NAA35: variants seen among roughly 807,000 people sequenced by gnomAD.
NAA35 encodes the protein MAK10 homolog, amino-acid N-acetyltransferase subunit.
Under a neutral mutation model 101.7 loss-of-function variants are expected in NAA35, and 18 were observed. The observed-to-expected ratio is 0.18, with a 90% CI of 0.12 to 0.26. The LOEUF (loss-of-function observed/expected upper bound fraction) is 0.26, where lower values mean the gene tolerates loss of function less well. Ranked by LOEUF, NAA35 falls within the 10% of genes least tolerant of loss-of-function variation. NAA35 has a pLI of 1.00. For synonymous variants in NAA35, 267 were observed against 273.1 expected (o/e 0.98, Z 0.22); for missense variants, 601 against 886.8 (o/e 0.68, Z 4.09).
Position 86,001,514 on chromosome 9 carries a change from G to A in NAA35, c.1057-2071G>A, listed in dbSNP as rs141689286. On this transcript the variant is annotated intron_variant, in intron 12 of 22. Transcript: ENST00000361671. ...AGTCTCCCACTGTTGTTATGTGGGAGTCTGTGTCTCTTTGTAGGTCTGTAA... is the reference window on the plus strand; with the variant it reads ...AGTCTCCCACTGTTGTTATGTGGGAATCTGTGTCTCTTTGTAGGTCTGTAA... 1.6e-3 allele frequency among the ~76,000 whole-genome samples: 247 copies of A among 152,260 alleles called. 1 individual carries two copies. The highest frequency in any genetic ancestry group is 3.8e-3 in the African/African-American group (157 of 41,550).
chr9:85,946,659 A>G (rs1164238153), intron 2 of NAA35, among the ~76,000 whole-genome samples: 1 of 148,482 alleles, frequency 6.7e-6, no homozygotes, highest in East Asian at 2.0e-4. Context: ...CTTTCTTAAA[A>G]CGTTATGAGA....
intron 3 of NAA35, among the ~76,000 whole-genome samples, chr9:85,956,613 G>A (rs1056494165): frequency 7.2e-5 from 11 of 152,104 alleles, no homozygotes; most frequent in Non-Finnish European, 1.2e-4. Flanking sequence ...TGTAACTTAT[G>A]GTCCTTTCCT....
At chr9:85,976,651 G>T in intron 8 of NAA35, 34 bp from the exon 9 acceptor site, 3 of 1,478,926 alleles carry the variant, frequency 2.0e-6, no homozygotes, top group East Asian at 2.3e-5. Flanking sequence ...ATTTTTTCAG[G>T]TTTGTGTTTA....
intron 11 of NAA35, chr9:85,986,852 A>G (rs908441708): frequency 5.0e-6 from 1 of 199,682 alleles, no homozygotes; most frequent in Non-Finnish European, 1.0e-5. Context: ...TGGCCTTCCA[A>G]AGTGCTGGGA....
intron 2 of NAA35, among the ~76,000 whole-genome samples, chr9:85,943,160 G>A (rs1828597719): frequency 6.6e-6 from 1 of 152,072 alleles, no homozygotes; most frequent in African/African-American, 2.4e-5. Context: ...AAATGAACAT[G>A]CTTGTTGCTT....
chr9:85,957,207 C>T (rs1368602336), intron 3 of NAA35, among the ~76,000 whole-genome samples: 2 of 152,132 alleles, frequency 1.3e-5, no homozygotes, highest in East Asian at 1.9e-4. Flanking sequence ...TCATATGTGC[C>T]ATATACTGTA....
intron 15 of NAA35, among the ~76,000 whole-genome samples, chr9:86,011,912 TTA>T (rs1259335812): frequency 2.1e-5 from 3 of 140,620 alleles, no homozygotes; most frequent in South Asian, 4.3e-4. Context: ...TTAATATATA[TTA>T]TATATCATAT....
At position 86,016,662 on chromosome 9, in the gene NAA35, G is replaced by GA; in HGVS notation, c.1700dup (p.Lys568GlufsTer24). 3.1e-6 allele frequency: 5 copies of GA among 1,608,932 alleles called. No homozygotes were observed. Among genetic ancestry groups the GA allele is most frequent in the South Asian group, 1.1e-5 (1 of 90,446 alleles). On this transcript the variant is annotated frameshift_variant, in exon 18 of 23. Coordinates refer to ENST00000361671, the MANE Select transcript of NAA35 (RefSeq NM_024635.4). LOFTEE classifies it high-confidence loss of function. ...AAGGCCGTAGTAGTAAAAAAACAAA[G>GA]AAAAAAAAGAAAGGTGCTGTGGATT...
chr9:86,004,164 G>C lies in NAA35; in HGVS notation c.1116+520G>C, dbSNP rs150263554. 3.7e-3 allele frequency among the ~76,000 whole-genome samples: 559 copies of C among 152,266 alleles called. 5 individuals are homozygous for C. Among genetic ancestry groups the C allele is most frequent in the African/African-American group, 0.013 (532 of 41,554 alleles). ...TCGTTGCCCAGGCTGGAGTGCAGTG[G>C]CATGCTCTTGGCTAACTGCAATCTC... On this transcript the variant is annotated intron_variant, in intron 13 of 22. Coordinates refer to ENST00000361671, the MANE Select transcript of NAA35 (RefSeq NM_024635.4).
intron 14 of NAA35, among the ~76,000 whole-genome samples, chr9:86,009,526 A>G (rs1831804580): frequency 6.6e-6 from 1 of 152,206 alleles, no homozygotes; most frequent in African/African-American, 2.4e-5. Flanking sequence ...ACAGTCCATG[A>G]GGAAATCAAT....
At chr9:85,974,902 T>A (rs1250947120) in intron 6 of NAA35, 65 bp from the exon 7 acceptor site, 2 of 1,110,364 alleles carry the variant, frequency 1.8e-6, no homozygotes, top group Non-Finnish European at 1.3e-6. Context: ...AAGAAAAGTT[T>A]TATATTTTGC....
chr9:86,001,532 G>T (rs1278908384), intron 12 of NAA35, among the ~76,000 whole-genome samples: 1 of 152,084 alleles, frequency 6.6e-6, no homozygotes, highest in African/African-American at 2.4e-5. Flanking sequence ...CTCTTTGTAG[G>T]TCTGTAAGAA....
chr9:86,017,039 G>A (rs957619637), intron 18 of NAA35, among the ~76,000 whole-genome samples: 1 of 152,270 alleles, frequency 6.6e-6, no homozygotes, highest in African/African-American at 2.4e-5. Flanking sequence ...GCACCGAAAG[G>A]TGGTTACAGA....
chr9:86,000,025 TAAAC>T (rs1260691242), intron 12 of NAA35, among the ~76,000 whole-genome samples: 1 of 152,136 alleles, frequency 6.6e-6, no homozygotes, highest in Non-Finnish European at 1.5e-5. Flanking sequence ...CTTACATAAA[TAAAC>T]ACTTGGCCTG....
intron 15 of NAA35, among the ~76,000 whole-genome samples, chr9:86,012,047 AGAC>A (rs1409778437): frequency 6.8e-6 from 1 of 147,588 alleles, no homozygotes; most frequent in Admixed American, 6.9e-5. Flanking sequence ...AAACAATAGA[AGAC>A]CAGAATTTAT....
At chr9:85,968,539 G>A (rs147682840) in intron 6 of NAA35, among the ~76,000 whole-genome samples, 2,137 of 152,170 alleles carry the variant, frequency 0.014, 48 homozygotes, top group African/African-American at 0.047. Context: ...TTTAAGTGGG[G>A]TGTGTGTGTA....
intron 2 of NAA35, among the ~76,000 whole-genome samples, chr9:85,949,862 G>A (rs890460370): frequency 3.3e-5 from 5 of 151,418 alleles, no homozygotes; most frequent in Non-Finnish European, 4.4e-5. Flanking sequence ...GTTTGGTGTC[G>A]TCTAGAATTG....
rs192386044 is a variant in NAA35, at chr9:86,010,033, C to G, written c.1290+102C>G. 2.8e-5 allele frequency: 24 copies of G among 853,270 alleles called. No individual in the cohort carries two copies. The South Asian group carries it at 3.2e-4, about 11-fold the overall frequency. 52.9% of individuals were successfully genotyped at this position (853,270 alleles called of 1,614,324 possible). A position where few individuals can be genotyped will look rare whatever the true frequency, so the allele number is the denominator to read the frequency against. ...TGGGAGGCTGAGGCAGGTGGATCAC[C>G]TGAGGTCAGGAGTTTGAGACCAGCC... On this transcript the variant is annotated intron_variant, in intron 15 of 22. Coordinates refer to ENST00000361671, the MANE Select transcript of NAA35 (RefSeq NM_024635.4).
chr9:85,980,377 C>G (rs1311033333), intron 11 of NAA35, among the ~76,000 whole-genome samples: 2 of 152,154 alleles, frequency 1.3e-5, no homozygotes, highest in African/African-American at 4.8e-5. Flanking sequence ...AAAGTTCCAG[C>G]CTTGTACTCA....
Sources: allele counts gnomAD v4.1 joint callset (sites outside exome capture counted in the v4.1 genomes callset), GRCh38; gene constraint gnomAD v4.1.1; transcripts MANE v1.5; gene names NCBI Gene and HGNC (gene_info 2026-07-23, HGNC 2026-07-21).